RORA: variants seen among roughly 807,000 people sequenced by gnomAD.
The protein encoded by RORA is nuclear receptor ROR-alpha.
In RORA, 7 loss-of-function variants were observed where a neutral mutation model predicts 69.5. That is an observed-to-expected ratio of 0.10 (90% CI 0.06 to 0.19). The LOEUF is 0.19. RORA is among the 10% of genes least tolerant of loss of function. The pLI is 1.00. For synonymous variants in RORA, 261 were observed against 240.8 expected, an observed-to-expected ratio of 1.08 and a Z score of -0.78; for missense variants, 457 against 663.0, an observed-to-expected ratio of 0.69 and a Z score of 3.41.
At chr15:60,989,977 TA>T (rs1894323436) in intron 1 of RORA, among the ~76,000 whole-genome samples, 1 of 152,158 alleles carries the variant, frequency 6.6e-6, no homozygotes, top group Non-Finnish European at 1.5e-5. Flanking sequence ...ATTCTGTGAT[TA>T]ATTATTTTTG....
At chr15:60,947,591 G>C (rs959395490) in intron 1 of RORA, among the ~76,000 whole-genome samples, 27 of 141,238 alleles carry the variant, frequency 1.9e-4, no homozygotes, top group African/African-American at 7.2e-4. Flanking sequence ...GAAAACCAGA[G>C]ATCTTTGTTC....
At chr15:61,088,804 T>A (rs1213534329) in intron 1 of RORA, among the ~76,000 whole-genome samples, 1 of 152,010 alleles carries the variant, frequency 6.6e-6, no homozygotes, top group Non-Finnish European at 1.5e-5. Flanking sequence ...CTATCTAAAG[T>A]CTCCTCCATC....
chr15:60,648,814 G>A (rs1017164087), intron 2 of RORA, among the ~76,000 whole-genome samples: 2 of 152,140 alleles, frequency 1.3e-5, no homozygotes, highest in South Asian at 2.1e-4. Flanking sequence ...TTTTGAGGGG[G>A]GAGAGGGAAG....
chr15:61,125,134 T>C (rs1054397658), intron 1 of RORA, among the ~76,000 whole-genome samples: 2 of 152,206 alleles, frequency 1.3e-5, no homozygotes, highest in Admixed American at 1.3e-4. Flanking sequence ...AACTGTACCT[T>C]TTTGGTCCAC....
intron 1 of RORA, among the ~76,000 whole-genome samples, chr15:60,947,043 C>T (rs1176645959): frequency 6.8e-5 from 6 of 88,668 alleles, no homozygotes; most frequent in African/African-American, 1.8e-4. Flanking sequence ...CCCGGCCAGC[C>T]GCCCCGTCCG....
intron 1 of RORA, among the ~76,000 whole-genome samples, chr15:60,767,588 G>T (rs1041710261): frequency 6.6e-6 from 1 of 152,174 alleles, no homozygotes; most frequent in Non-Finnish European, 1.5e-5. Flanking sequence ...AATATGGGCT[G>T]CCAGATCTCA....
chr15:60,653,895 G>A (rs890076129), intron 2 of RORA, among the ~76,000 whole-genome samples: 1 of 152,012 alleles, frequency 6.6e-6, no homozygotes, highest in African/African-American at 2.4e-5. Context: ...ATACCCTAGG[G>A]TATCATGTTT....
chr15:60,912,116 ACT>A (rs1891741773), intron 1 of RORA, among the ~76,000 whole-genome samples: 1 of 152,234 alleles, frequency 6.6e-6, no homozygotes, highest in Admixed American at 6.5e-5. Context: ...TGCCTGTTAA[ACT>A]CTCTGAACCA....
In RORA at chr15:60,556,846, C is replaced by A. The variant is rs202158843; in HGVS notation, c.197-24995G>T. The A allele has an allele frequency of 2.3e-5, 37 of 1,600,396 alleles. No individual in the cohort carries two copies. In the Middle Eastern group the frequency reaches 6.6e-4, roughly 29 times the overall value. Reference sequence around the variant, plus strand: ...CCTTGCAAATTACAGTGGATGTTTCCCCTCACCATTCATGTATCCAGTTTG... The same window carrying A: ...CCTTGCAAATTACAGTGGATGTTTCACCTCACCATTCATGTATCCAGTTTG... On this transcript the variant is annotated intron_variant, in intron 2 of 10. Transcript: ENST00000335670.
chr15:61,166,128 C>T (rs1441557296), intron 1 of RORA, among the ~76,000 whole-genome samples: 1 of 152,150 alleles, frequency 6.6e-6, no homozygotes, highest in Non-Finnish European at 1.5e-5. Flanking sequence ...AGAAATGTAG[C>T]AAACGTAAAG....
chr15:61,109,312 A>G (rs1414258880), intron 1 of RORA, among the ~76,000 whole-genome samples: 2 of 152,192 alleles, frequency 1.3e-5, no homozygotes, highest in Admixed American at 6.5e-5. Flanking sequence ...TTGGTTTACT[A>G]TTGAGTCCTT....
chr15:60,636,512 T>C (rs926139001), intron 2 of RORA, among the ~76,000 whole-genome samples: 1 of 152,200 alleles, frequency 6.6e-6, no homozygotes, highest in African/African-American at 2.4e-5. Context: ...TAGGTAATAG[T>C]ACCACTCTTG....
At chr15:60,972,088 A>C (rs1523526) in intron 1 of RORA, among the ~76,000 whole-genome samples, 69,136 of 152,090 alleles carry the variant, frequency 0.45, 16,201 homozygotes, top group Non-Finnish European at 0.51. Context: ...GAGATCCGGG[A>C]AGAAAATAAA....
chr15:60,871,849 G>C (rs1270005561), intron 1 of RORA, among the ~76,000 whole-genome samples: 1 of 152,206 alleles, frequency 6.6e-6, no homozygotes, highest in Non-Finnish European at 1.5e-5. Flanking sequence ...TCCAAATAAA[G>C]TCTGGACTTC....
chr15:60,680,970 AT>A (rs561917769), intron 1 of RORA, among the ~76,000 whole-genome samples: 3 of 152,040 alleles, frequency 2.0e-5, no homozygotes, highest in Admixed American at 6.6e-5. Context: ...ATGATATTTA[AT>A]TTTTTTTAAC....
At chr15:61,059,988 G>GGAAGAAGAAGAAGAAGAAGAAGAA (rs71122901) in intron 1 of RORA, among the ~76,000 whole-genome samples, 126 of 85,918 alleles carry the variant, frequency 1.5e-3, no homozygotes, top group East Asian at 3.2e-3. Flanking sequence ...AAGAGGAAGA[G>GGAAGAAGAAGAAGAAGAAGAAGAA]GAAGAAGAAG....
chr15:60,844,935 C>A (rs185441842), intron 1 of RORA, among the ~76,000 whole-genome samples: 1 of 152,082 alleles, frequency 6.6e-6, no homozygotes, highest in Admixed American at 6.6e-5. Flanking sequence ...GCCAATGAGC[C>A]GTCTAAACAA....
chr15:61,003,837 A>AG (rs1157335107), intron 1 of RORA, among the ~76,000 whole-genome samples: 6 of 152,224 alleles, frequency 3.9e-5, no homozygotes, highest in African/African-American at 2.4e-5. Flanking sequence ...GTAGCTAACA[A>AG]GGCCTTGTGC....
intron 1 of RORA, among the ~76,000 whole-genome samples, chr15:61,203,303 C>G (rs1258440694): frequency 1.3e-5 from 2 of 152,158 alleles, no homozygotes; most frequent in Non-Finnish European, 2.9e-5. Flanking sequence ...TGATGGAAGA[C>G]AGAAAAGCAT....
Sources: allele counts gnomAD v4.1 joint callset (sites outside exome capture counted in the v4.1 genomes callset), GRCh38; gene constraint gnomAD v4.1.1; transcripts MANE v1.5; gene names NCBI Gene and HGNC (gene_info 2026-07-23, HGNC 2026-07-21).